Variants in SGPP2 observed in about 807,000 individuals in gnomAD.
SGPP2 encodes the protein sphingosine 1-phosphate phosphohydrolase 2.
In SGPP2, 30 loss-of-function variants were observed where a neutral mutation model predicts 33.9. The ratio of observed to expected loss-of-function variants is 0.89; its 90% confidence interval spans 0.66 to 1.20. SGPP2 has a LOEUF of 1.20. SGPP2 is among the 50% of genes most tolerant of loss of function. The probability of loss-of-function intolerance (pLI) is 0.00; values close to 1 mark genes in which losing one functional copy is unlikely to be tolerated. For missense variants in SGPP2, 458 were observed against 532.1 expected, an observed-to-expected ratio of 0.86 and a Z score of 1.37; for synonymous variants, 233 against 225.0, an observed-to-expected ratio of 1.04 and a Z score of -0.32.
intron 2 of SGPP2, among the ~76,000 whole-genome samples, chr2:222,511,581 T>G (rs536071490): frequency 6.6e-6 from 1 of 152,188 alleles, no homozygotes; most frequent in Admixed American, 6.5e-5. Context: ...AGTGGCCTCT[T>G]CAACAATACA....
chr2:222,557,968 G>A (rs1689443829), intron 4 of SGPP2, among the ~76,000 whole-genome samples: 1 of 152,164 alleles, frequency 6.6e-6, no homozygotes, highest in Non-Finnish European at 1.5e-5. Context: ...CAACCCCCAG[G>A]TGGATGAAAG....
chr2:222,438,326 T>G (rs1401403608), intron 1 of SGPP2, among the ~76,000 whole-genome samples: 2 of 152,204 alleles, frequency 1.3e-5, no homozygotes, highest in Non-Finnish European at 2.9e-5. Context: ...ATAAGTCCAG[T>G]GTGTTTGCTA....
intron 2 of SGPP2, among the ~76,000 whole-genome samples, chr2:222,502,042 C>T (rs767713048): frequency 1.3e-5 from 2 of 152,178 alleles, no homozygotes; most frequent in African/African-American, 2.4e-5. Flanking sequence ...CCTTATGCCA[C>T]CCTCACAAAT....
intron 1 of SGPP2, among the ~76,000 whole-genome samples, chr2:222,426,112 G>A (rs1351350997): frequency 6.6e-6 from 1 of 150,852 alleles, no homozygotes; most frequent in African/African-American, 2.4e-5. Context: ...CAGCTACTCC[G>A]GAGGCTAAGA....
chr2:222,465,025 A>G lies in SGPP2; in HGVS notation c.220-9543A>G, dbSNP rs1185113112. ...AGTTCAAATTGTGTAAAAGACTACA[A>G]CTGAAATTCCACTGTAAAATGAAAG... is the stretch of plus-strand genomic sequence containing the variant. On this transcript the variant is annotated intron_variant, in intron 1 of 4. Transcript: ENST00000321276. The surrounding 1 kb of genome is among the most constrained non-coding windows in gnomAD (Gnocchi z 4.1). Among the ~76,000 whole-genome samples, 2 of 152,210 alleles carry G rather than the reference A, an allele frequency of 1.3e-5. No individual in the cohort carries two copies. The highest frequency in any genetic ancestry group is 2.9e-5 in the Non-Finnish European group (2 of 68,032).
At chr2:222,475,297 A>G (rs1241078513) in intron 2 of SGPP2, among the ~76,000 whole-genome samples, 1 of 152,164 alleles carries the variant, frequency 6.6e-6, no homozygotes, top group Non-Finnish European at 1.5e-5. Flanking sequence ...TCTTACTGCT[A>G]TGAACACAAC....
intron 2 of SGPP2, chr2:222,504,520 T>C (rs142902083): frequency 2.0e-5 from 3 of 152,370 alleles, no homozygotes; most frequent in African/African-American, 7.2e-5. Context: ...TGCTTCCACC[T>C]TTCAAGTGAT....
intron 1 of SGPP2, among the ~76,000 whole-genome samples, chr2:222,469,458 C>T (rs1314751469): frequency 6.6e-6 from 1 of 152,240 alleles, no homozygotes; most frequent in Non-Finnish European, 1.5e-5. Flanking sequence ...GCTGGGATTA[C>T]AGGCATGAGC....
intron 4 of SGPP2, among the ~76,000 whole-genome samples, chr2:222,555,450 T>G (rs1285751535): frequency 6.7e-6 from 1 of 149,276 alleles, no homozygotes; most frequent in Non-Finnish European, 1.5e-5. Flanking sequence ...TATCCGTTTT[T>G]TTTTTTTTTT....
At chr2:222,506,956 CTG>C (rs1164147698) in intron 2 of SGPP2, among the ~76,000 whole-genome samples, 1 of 152,060 alleles carries the variant, frequency 6.6e-6, no homozygotes, top group African/African-American at 2.4e-5. Context: ...TGGTTTGTGA[CTG>C]TGTTTGAAAA....
intron 4 of SGPP2, 132 bp from the exon 5 acceptor site, chr2:222,558,215 A>C (rs1689449672): frequency 1.2e-5 from 12 of 1,006,180 alleles, no homozygotes; most frequent in Middle Eastern, 3.3e-4. Context: ...CTTTCTTTGA[A>C]CATGTACTGT....
intron 4 of SGPP2, among the ~76,000 whole-genome samples, chr2:222,539,105 C>G (rs1698956374): frequency 6.6e-6 from 1 of 152,152 alleles, no homozygotes; most frequent in African/African-American, 2.4e-5. Context: ...CCATCTAAGA[C>G]AAGGCAAGTC....
Position 222,521,916 on chromosome 2 carries a change from C to A in SGPP2, c.528C>A (p.Thr176=), listed in dbSNP as rs377404522. The change falls in exon 3 of 5, where the codon ACC becomes ACA. Residue 176 remains threonine (T), a synonymous_variant. Transcript: ENST00000321276. ...HAMAATAIAF[T]LLISTMDRYQ... is the part of the protein sequence containing the mutation. ...TGGCGGCCACTGCCATTGCCTTCAC[C>A]CTCCTTATCTCTACTATGGACAGAT... 1.2e-6 allele frequency: 2 copies of A among 1,601,862 alleles called. No homozygotes were observed. Among genetic ancestry groups the A allele is most frequent in the Non-Finnish European group, 1.7e-6 (2 of 1,175,466 alleles).
intron 2 of SGPP2, among the ~76,000 whole-genome samples, chr2:222,513,226 G>A (rs1698556973): frequency 6.6e-6 from 1 of 152,210 alleles, no homozygotes; most frequent in African/African-American, 2.4e-5. Flanking sequence ...CTAATGTCAT[G>A]TGATGTTGAA....
chr2:222,437,102 C>G (rs1462843836), intron 1 of SGPP2, among the ~76,000 whole-genome samples: 1 of 152,198 alleles, frequency 6.6e-6, no homozygotes, highest in African/African-American at 2.4e-5. Context: ...GCTGAGGCCA[C>G]CCATTGGTGA....
intron 2 of SGPP2, among the ~76,000 whole-genome samples, chr2:222,489,913 C>T (rs1013546166): frequency 1.1e-4 from 17 of 152,074 alleles, no homozygotes; most frequent in Non-Finnish European, 1.9e-4. Flanking sequence ...TGCAGTGAGC[C>T]GAGATCATGC....
chr2:222,451,530 T>G (rs1185483975), intron 1 of SGPP2, among the ~76,000 whole-genome samples: 1 of 152,198 alleles, frequency 6.6e-6, no homozygotes, highest in African/African-American at 2.4e-5. Flanking sequence ...AGAGCAGATG[T>G]CTGAAGGGCT....
intron 1 of SGPP2, among the ~76,000 whole-genome samples, chr2:222,442,759 C>G (rs1309307929): frequency 6.6e-6 from 1 of 152,152 alleles, no homozygotes; most frequent in African/African-American, 2.4e-5. Flanking sequence ...TCTGAAGTAT[C>G]TAATGGTTTT....
intron 2 of SGPP2, among the ~76,000 whole-genome samples, chr2:222,497,291 C>T (rs978437256): frequency 9.1e-5 from 12 of 131,620 alleles, no homozygotes; most frequent in Non-Finnish European, 1.6e-4. Flanking sequence ...CTTGCTCTGT[C>T]GCCCAGGCTG....
Sources: allele counts gnomAD v4.1 joint callset (sites outside exome capture counted in the v4.1 genomes callset), GRCh38; gene constraint gnomAD v4.1.1; non-coding constraint Gnocchi (gnomAD v3.1); transcripts MANE v1.5; gene names NCBI Gene and HGNC (gene_info 2026-07-23, HGNC 2026-07-21).